The following KCNN4 variants were observed in gnomAD, a reference collection of about 807,000 sequenced individuals.
KCNN4 encodes the protein intermediate conductance calcium-activated potassium channel protein 4.
KCNN4 carries 31 observed loss-of-function variants against 45.2 expected under a neutral mutation model. The observed-to-expected ratio is 0.69, with a 90% CI of 0.52 to 0.92. The LOEUF (loss-of-function observed/expected upper bound fraction) is 0.92, where lower values mean the gene tolerates loss of function less well. Among genes scored for constraint, KCNN4 ranks in the 40% least tolerant of loss-of-function variants. The pLI is 0.00. For missense variants in KCNN4, 463 were observed against 574.0 expected, an observed-to-expected ratio of 0.81 and a Z score of 1.98; for synonymous variants, 231 against 254.6, an observed-to-expected ratio of 0.91 and a Z score of 0.88.
chr19:43,769,067 C>T lies in KCNN4; in HGVS notation c.1050-35G>A. 3 of 1,608,900 alleles carry T rather than the reference C, an allele frequency of 1.9e-6. No homozygotes were observed. The highest frequency in any genetic ancestry group is 2.6e-6 in the Non-Finnish European group (3 of 1,175,190). ...GAAGTGGGGAGTCAGTTTTACAAGC[C>T]TGGTCCCTGAATGTAGCTGTAGCTC... On this transcript the variant is annotated intron_variant, in intron 6 of 8. Transcript: ENST00000648319. This position sits in a 1 kb window ranked among gnomAD's most constrained non-coding sequence, Gnocchi z 4.4.
In KCNN4 at chr19:43,774,580, C is replaced by A. The variant is rs779039825; in HGVS notation, c.295G>T (p.Ala99Ser). ...TGCGCCGCCTGCCGCCCGGTCAGCG[C>A]CACGCGCCAGTCCCGCAGCCCGTTG... ...TDNGLRDWRVALTGRQAAQIV... is the reference protein window; with the variant it reads ...TDNGLRDWRVSLTGRQAAQIV... The change falls in exon 3 of 9, where the codon GCG becomes TCG. Residue 99 changes from alanine to serine, a missense_variant. By Grantham distance (99) the Ala-to-Ser change is moderately conservative. This residue lies in a region of KCNN4 where 225 missense variants were observed against 240.9 expected (regional missense o/e 0.93). Coordinates refer to ENST00000648319, the MANE Select transcript of KCNN4 (RefSeq NM_002250.3). This position sits in a 1 kb window ranked among gnomAD's most constrained non-coding sequence, Gnocchi z 5.6. 28 of 1,532,174 alleles carry A rather than the reference C, an allele frequency of 1.8e-5. No homozygotes were observed. The highest frequency in any genetic ancestry group is 2.3e-5 in the Non-Finnish European group (27 of 1,150,204). 94.9% of individuals were successfully genotyped at this position (1,532,174 alleles called of 1,614,324 possible). A position where few individuals can be genotyped will look rare whatever the true frequency, so the allele number is the denominator to read the frequency against.
At chr19:43,777,466 A>C (rs994432164) in intron 1 of KCNN4, among the ~76,000 whole-genome samples, 4 of 151,770 alleles carry the variant, frequency 2.6e-5, no homozygotes, top group Non-Finnish European at 5.9e-5. Context: ...TGTAGAAACT[A>C]CCATTCAATC....
chr19:43,779,064 G>T (rs1685192), intron 1 of KCNN4, among the ~76,000 whole-genome samples: 52,631 of 151,968 alleles, frequency 0.35, 9,128 homozygotes, highest in Non-Finnish European at 0.39. Flanking sequence ...GACCCTTAGG[G>T]TCATGTATTT....
intron 4 of KCNN4, among the ~76,000 whole-genome samples, chr19:43,771,302 C>T (rs1002224771): frequency 1.3e-5 from 2 of 152,174 alleles, no homozygotes; most frequent in Admixed American, 6.5e-5. Context: ...GACCTGTTTA[C>T]TGAGCACCTC....
chr19:43,768,811 A>T, intron 7 of KCNN4, 152 bp downstream of exon 7: 12 of 676,000 alleles, frequency 1.8e-5, no homozygotes, highest in Non-Finnish European at 2.7e-5. Flanking sequence ...TGCATCATTC[A>T]TTCCTTCCTT....
In KCNN4 at chr19:43,769,079, T is replaced by C. The variant is rs1969560828; in HGVS notation, c.1050-47A>G. 1 of 1,575,580 alleles carries C rather than the reference T, an allele frequency of 6.3e-7. No individual in the cohort carries two copies. The highest frequency in any genetic ancestry group is 8.7e-7 in the Non-Finnish European group (1 of 1,144,964). ...CAGTTTTACAAGCCTGGTCCCTGAA[T>C]GTAGCTGTAGCTCAGGGGAGGAATG... On this transcript the variant is annotated intron_variant, in intron 6 of 8. Transcript: ENST00000648319. This position sits in a 1 kb window ranked among gnomAD's most constrained non-coding sequence, Gnocchi z 4.4.
At chr19:43,776,827 G>T (rs1336669662) in intron 1 of KCNN4, 191 bp from the exon 2 acceptor site, 25 of 587,134 alleles carry the variant, frequency 4.3e-5, no homozygotes, top group Non-Finnish European at 6.5e-5. Flanking sequence ...GCCCAGTGCG[G>T]TGGCTCACAC....
intron 2 of KCNN4, among the ~76,000 whole-genome samples, chr19:43,775,749 G>A (rs1012309312): frequency 2.6e-5 from 4 of 152,120 alleles, no homozygotes; most frequent in Non-Finnish European, 4.4e-5. Flanking sequence ...TGAGACCCAA[G>A]GTGGGGTATG....
intron 1 of KCNN4, among the ~76,000 whole-genome samples, chr19:43,777,339 G>GT (rs1555725413): frequency 7.1e-5 from 10 of 141,788 alleles, no homozygotes; most frequent in East Asian, 4.1e-4. Context: ...GTGTGTGTGT[G>GT]GTGTCTAGAA....
At position 43,774,806 on chromosome 19, in the gene KCNN4, T is replaced by C. The variant is rs2146456745; in HGVS notation, c.256-187A>G. Among the ~76,000 whole-genome samples the C allele has an allele frequency of 6.6e-6, 1 of 152,216 alleles. No homozygotes were observed. Among genetic ancestry groups the C allele is most frequent in the East Asian group, 1.9e-4 (1 of 5,166 alleles). ...CTTGAGGAAGACATCTTTCCACTTT[T>C]TCCTCCTTCCCCACCACCCACCCCA... On this transcript the variant is annotated intron_variant, in intron 2 of 8. Coordinates refer to ENST00000648319, the MANE Select transcript of KCNN4 (RefSeq NM_002250.3). The surrounding 1 kb of genome is among the most constrained non-coding windows in gnomAD (Gnocchi z 5.6).
chr19:43,771,879 C>CTT, intron 4 of KCNN4, 121 bp downstream of exon 4: 1 of 1,281,118 alleles, frequency 7.8e-7, no homozygotes, highest in Non-Finnish European at 1.1e-6. Context: ...GCCCCAGACA[C>CTT]TCAAGTTTCT....
In KCNN4 at chr19:43,774,434, T is replaced by C. The variant is rs1373495187; in HGVS notation, c.441A>G (p.Gln147=). Residue 147 remains glutamine, a synonymous_variant, in exon 3 of 9, where the codon CAA becomes CAG. Coordinates refer to ENST00000648319, the MANE Select transcript of KCNN4 (RefSeq NM_002250.3). This position sits in a 1 kb window ranked among gnomAD's most constrained non-coding sequence, Gnocchi z 5.6. ...SPQPWPGFLG[Q]GEALLSLAML... ...TGGCCAGGGACAGCAGCGCTTCCCC[T>C]TGGCCCAGGAATCCCGGCCAGGGCT... 1 of 1,596,464 alleles carries C rather than the reference T, an allele frequency of 6.3e-7. No homozygotes were observed. Among genetic ancestry groups the C allele is most frequent in the Non-Finnish European group, 8.5e-7 (1 of 1,171,610 alleles).
intron 1 of KCNN4, among the ~76,000 whole-genome samples, chr19:43,777,641 A>G (rs1225827154): frequency 6.7e-6 from 1 of 149,410 alleles, no homozygotes; most frequent in African/African-American, 2.5e-5. Context: ...CCGGAAGCAC[A>G]GGGCCTCCAG....
Position 43,769,381 on chromosome 19 carries a change from G to A in KCNN4, c.1049+61C>T. ...CATGGACATGCACACACACAGCCGT[G>A]CAGAGAGGTGACTTGGACATGGGTG... On this transcript the variant is annotated intron_variant, in intron 6 of 8. Coordinates refer to ENST00000648319, the MANE Select transcript of KCNN4 (RefSeq NM_002250.3). The surrounding 1 kb of genome is among the most constrained non-coding windows in gnomAD (Gnocchi z 4.4). The A allele has an allele frequency of 1.5e-6, 2 of 1,329,980 alleles. No individual in the cohort carries two copies. Among genetic ancestry groups the A allele is most frequent in the Non-Finnish European group, 2.2e-6 (2 of 927,840 alleles). 82.4% of individuals were successfully genotyped at this position (1,329,980 alleles called of 1,614,324 possible).
At chr19:43,776,356 TG>T (rs949626267) in intron 2 of KCNN4, among the ~76,000 whole-genome samples, 184 bp downstream of exon 2, 19 of 149,436 alleles carry the variant, frequency 1.3e-4, no homozygotes, top group South Asian at 4.3e-4. Flanking sequence ...GCGGAGCTGG[TG>T]GGGGAGGCTC....
Position 43,772,199 on chromosome 19 carries a change from C to T in KCNN4, c.684-64G>A. On this transcript the variant is annotated intron_variant, in intron 3 of 8. Coordinates refer to ENST00000648319, the MANE Select transcript of KCNN4 (RefSeq NM_002250.3). The surrounding 1 kb of genome is among the most constrained non-coding windows in gnomAD (Gnocchi z 4.4). Reference sequence around the variant, plus strand: ...AGAGGTTTCCATGATATTCACTCCCCTTCCCTCTATACCCTCCCATCCCCT... The same window carrying T: ...AGAGGTTTCCATGATATTCACTCCCTTTCCCTCTATACCCTCCCATCCCCT... 1 of 1,581,976 alleles carries T rather than the reference C, an allele frequency of 6.3e-7. No individual in the cohort carries two copies.
intron 3 of KCNN4, among the ~76,000 whole-genome samples, chr19:43,773,264 G>A (rs996728152): frequency 1.3e-5 from 2 of 152,244 alleles, no homozygotes; most frequent in African/African-American, 2.4e-5. Flanking sequence ...GCCACTGCAC[G>A]CTAGCCTGGA....
chr19:43,770,575 C>G (rs1969616348), intron 4 of KCNN4, among the ~76,000 whole-genome samples: 1 of 152,214 alleles, frequency 6.6e-6, no homozygotes, highest in Non-Finnish European at 1.5e-5. Flanking sequence ...AGAACAACTT[C>G]CAGTCACAAA....
Position 43,774,724 on chromosome 19 carries a change from T to G in KCNN4, c.256-105A>C. ...CCTGAGATAAGTGGGGTGTGCCGCC[T>G]GGCCAGGAGGGAGGGAGTGCAGGGC... On this transcript the variant is annotated intron_variant, in intron 2 of 8. Transcript: ENST00000648319. The surrounding 1 kb of genome is among the most constrained non-coding windows in gnomAD (Gnocchi z 5.6). 3.2e-6 allele frequency: 3 copies of G among 944,110 alleles called. No homozygotes were observed. The highest frequency in any genetic ancestry group is 3.0e-6 in the Non-Finnish European group (2 of 674,868). The allele number at this position is 944,110 out of a possible 1,614,324, so 58.5% of individuals were successfully genotyped here. A position where few individuals can be genotyped will look rare whatever the true frequency, so the allele number is the denominator to read the frequency against.
Sources: gnomAD v4.1 joint callset for allele counts (sites outside exome capture counted in the v4.1 genomes callset) on GRCh38, gnomAD v4.1.1 for gene constraint, gnomAD v4.1.1 regional missense constraint, Gnocchi (gnomAD v3.1) non-coding constraint, MANE v1.5 for transcripts, NCBI Gene and HGNC (gene_info 2026-07-23, HGNC 2026-07-21) for gene names.